Variants in ADCY3 observed in about 807,000 individuals in gnomAD.
ADCY3 encodes the protein adenylate cyclase 3.
Under a neutral mutation model 119.4 loss-of-function variants are expected in ADCY3, and 70 were observed. The ratio of observed to expected loss-of-function variants is 0.59; its 90% CI spans 0.48 to 0.72. The LOEUF (loss-of-function observed/expected upper bound fraction) is 0.72, where lower values mean the gene tolerates loss of function less well. Among genes scored for constraint, ADCY3 ranks in the 30% least tolerant of loss-of-function variants. The probability of loss-of-function intolerance (pLI) is 0.00; values close to 1 mark genes in which losing one functional copy is unlikely to be tolerated. For synonymous variants in ADCY3, 672 were observed against 621.4 expected (o/e 1.08, Z -1.21); for missense variants, 1,238 against 1,541.6 (o/e 0.80, Z 3.30).
chr2:24,865,065 A>C lies in ADCY3; in HGVS notation c.825+7505T>G, dbSNP rs1674114706. Among the ~76,000 whole-genome samples the C allele has an allele frequency of 2.0e-5, 3 of 152,218 alleles. No individual in the cohort carries two copies. In the South Asian group the frequency reaches 6.2e-4, roughly 31 times the overall value. ...GGAAATAACCTAGAAATCTATGGAG[A>C]GCGCAACAAAATAAATTGTTACTTT... On this transcript the variant is annotated intron_variant, in intron 3 of 21. Coordinates refer to ENST00000679454, the MANE Select transcript of ADCY3 (RefSeq NM_004036.5).
At position 24,822,741 on chromosome 2, in the gene ADCY3, T is replaced by C. The variant is rs1667965744; in HGVS notation, c.2884-111A>G. 16 of 1,418,910 alleles carry C rather than the reference T, an allele frequency of 1.1e-5. No homozygotes were observed. In the South Asian group the frequency reaches 1.2e-4, roughly 11 times the overall value. The allele number at this position is 1,418,910 out of a possible 1,614,324, so 87.9% of individuals were successfully genotyped here. The stretch of plus-strand genomic sequence containing the variant: ...ACCCCACTAAACCCAAGAGACACTT[T>C]CCTATCAAAGTTGTTACTTAGTCTA... On this transcript the variant is annotated intron_variant, in intron 18 of 21. Coordinates refer to ENST00000679454, the MANE Select transcript of ADCY3 (RefSeq NM_004036.5).
chr2:24,903,774 C>T (rs1679171747), intron 2 of ADCY3, among the ~76,000 whole-genome samples: 2 of 152,104 alleles, frequency 1.3e-5, no homozygotes, highest in African/African-American at 4.8e-5. Flanking sequence ...GAACAGGGAG[C>T]GCCATGATCC....
rs113099977 is a variant in ADCY3 at position 24,916,675 on chromosome 2, C to T, written c.675+1638G>A. On this transcript the variant is annotated intron_variant, in intron 2 of 21. Transcript: ENST00000679454. ...CCAGCCTGGCAACAAAGCAAGACTC[C>T]GTCTCAAAAAAAAAAAGAACCTGGG... Among the ~76,000 whole-genome samples, 29 of 151,620 alleles carry T rather than the reference C, an allele frequency of 1.9e-4. 1 individual carries two copies. The highest frequency in any genetic ancestry group is 1.7e-3 in the East Asian group (9 of 5,154).
intron 2 of ADCY3, among the ~76,000 whole-genome samples, chr2:24,914,831 CCT>C (rs1477167748): frequency 6.6e-6 from 1 of 152,156 alleles, no homozygotes; most frequent in African/African-American, 2.4e-5. Context: ...CTCCTTATCC[CCT>C]GACCTTGCAG....
At chr2:24,850,291 T>C (rs575851406) in intron 3 of ADCY3, among the ~76,000 whole-genome samples, 1 of 152,296 alleles carries the variant, frequency 6.6e-6, no homozygotes, top group Non-Finnish European at 1.5e-5. Context: ...GAGTGCGTGA[T>C]GCTAGCTACG....
chr2:24,884,844 T>A (rs1572988249), intron 2 of ADCY3, among the ~76,000 whole-genome samples: 1 of 42,536 alleles, frequency 2.4e-5, no homozygotes, highest in African/African-American at 3.4e-4. Context: ...TTTTACCATC[T>A]TTTTTCCCTT....
intron 2 of ADCY3, among the ~76,000 whole-genome samples, chr2:24,874,464 C>A (rs1675405325): frequency 1.3e-5 from 2 of 152,216 alleles, no homozygotes; most frequent in Non-Finnish European, 2.9e-5. Context: ...CAGAAGGGAA[C>A]TGTGAGTGCA....
Position 24,824,547 on chromosome 2 carries a change from A to C in ADCY3, c.2578-11T>G. The C allele has an allele frequency of 6.2e-7, 1 of 1,613,648 alleles. No individual in the cohort carries two copies. Among genetic ancestry groups the C allele is most frequent in the Non-Finnish European group, 8.5e-7 (1 of 1,179,622 alleles). The stretch of plus-strand genomic sequence containing the variant: ...TGCCAGTTTTTCTACCTACAGACAC[A>C]GACAAGGCGAGGCATGTGCTCTAAG... On this transcript the variant is annotated splice_polypyrimidine_tract_variant and intron_variant, in intron 16 of 21. Transcript: ENST00000679454.
chr2:24,842,228 A>G lies in ADCY3; in HGVS notation c.956+26T>C, dbSNP rs200968647. On this transcript the variant is annotated intron_variant, in intron 4 of 21. Transcript: ENST00000679454. This position sits in a 1 kb window ranked among gnomAD's most constrained non-coding sequence, Gnocchi z 4.9. ...GCCCTCCACAGCCTGCTCTGCCATC[A>G]GAGCCCGCGCCCCGGGCCGGCGTAC... is the stretch of plus-strand genomic sequence containing the variant. The G allele has an allele frequency of 2.8e-4, 457 of 1,613,478 alleles. 3 individuals carry two copies. The African/African-American group carries it at 5.3e-3, about 19-fold the overall frequency.
chr2:24,835,969 C>G (rs1670275920), intron 9 of ADCY3, among the ~76,000 whole-genome samples: 1 of 151,552 alleles, frequency 6.6e-6, no homozygotes, highest in African/African-American at 2.4e-5. Context: ...GTCTTAAGCA[C>G]AGGCACAGGT....
At chr2:24,881,851 G>C (rs944857431) in intron 2 of ADCY3, among the ~76,000 whole-genome samples, 1 of 152,138 alleles carries the variant, frequency 6.6e-6, no homozygotes, top group Non-Finnish European at 1.5e-5. Context: ...CTAGGAGAGC[G>C]GGTGCTACTG....
Position 24,841,364 on chromosome 2 carries a change from T to C in ADCY3, c.1091A>G (p.Lys364Arg), listed in dbSNP as rs1227959406. Residue 364 changes from lysine to arginine, a missense_variant, in exon 6 of 22, where the codon AAG becomes AGG. By Grantham distance (26) the Lys-to-Arg change is conservative. Coordinates refer to ENST00000679454, the MANE Select transcript of ADCY3 (RefSeq NM_004036.5). The surrounding 1 kb of genome is among the most constrained non-coding windows in gnomAD (Gnocchi z 5.8). ...LAAKYHQLRI[K>R]ILGDCYYCIC... ...GCAGTAGTAGCAGTCGCCCAGGATC[T>C]TAATCCGCAGCTGGTGGTATTTCTG... 6.2e-7 allele frequency: 1 copy of C among 1,609,146 alleles called. No individual in the cohort carries two copies. Among genetic ancestry groups the C allele is most frequent in the East Asian group, 2.2e-5 (1 of 44,754 alleles).
intron 9 of ADCY3, 138 bp from the exon 10 acceptor site, chr2:24,835,074 T>C: frequency 8.4e-7 from 1 of 1,196,618 alleles, no homozygotes; most frequent in Non-Finnish European, 1.1e-6. Flanking sequence ...CTAAAATCCC[T>C]TTCCGGGAAG....
In ADCY3 at chr2:24,841,520, G is replaced by T. The variant is rs368924070; in HGVS notation, c.1068+36C>A. The T allele has an allele frequency of 6.9e-6, 11 of 1,601,246 alleles. No individual in the cohort carries two copies. The highest frequency in any genetic ancestry group is 9.4e-6 in the Non-Finnish European group (11 of 1,172,674). On this transcript the variant is annotated intron_variant, in intron 5 of 21. Coordinates refer to ENST00000679454, the MANE Select transcript of ADCY3 (RefSeq NM_004036.5). This position sits in a 1 kb window ranked among gnomAD's most constrained non-coding sequence, Gnocchi z 5.8. The stretch of plus-strand genomic sequence containing the variant: ...GGCCAGGCAGAGGCCATGAGGGCAG[G>T]CCCCGCTGGAGAGCCAGGCGGGGCC...
chr2:24,834,419 C>T lies in ADCY3; in HGVS notation c.1967+66G>A, dbSNP rs1670007076. The T allele has an allele frequency of 3.3e-6, 3 of 917,826 alleles. No homozygotes were observed. The highest frequency in any genetic ancestry group is 4.7e-5 in the Admixed American group (2 of 42,256). The allele number at this position is 917,826 out of a possible 1,614,324, so 56.9% of individuals were successfully genotyped here. On this transcript the variant is annotated intron_variant, in intron 11 of 21. Coordinates refer to ENST00000679454, the MANE Select transcript of ADCY3 (RefSeq NM_004036.5). This position sits in a 1 kb window ranked among gnomAD's most constrained non-coding sequence, Gnocchi z 4.2. Reference sequence around the variant, plus strand: ...GTCAGGCTCCCGCTGAGACACCTGCCCCCGCCCCCCGCCCGGCACCACCGC... The same window carrying T: ...GTCAGGCTCCCGCTGAGACACCTGCTCCCGCCCCCCGCCCGGCACCACCGC...
At position 24,872,982 on chromosome 2, in the gene ADCY3, C is replaced by T. The variant is rs894517871; in HGVS notation, c.676-263G>A. ...GGTTCCACGAGGGGCAGGGTGCAGG[C>T]GTTCAAGCCTGGCTGAGGGGCTGTG... On this transcript the variant is annotated intron_variant, in intron 2 of 21. Transcript: ENST00000679454. The surrounding 1 kb of genome is among the most constrained non-coding windows in gnomAD (Gnocchi z 4.4). Among the ~76,000 whole-genome samples, 2 of 152,216 alleles carry T rather than the reference C, an allele frequency of 1.3e-5. No homozygotes were observed. Among genetic ancestry groups the T allele is most frequent in the Non-Finnish European group, 2.9e-5 (2 of 68,026 alleles).
At chr2:24,838,940 A>G (rs774753913) in intron 7 of ADCY3, 42 of 1,405,822 alleles carry the variant, frequency 3.0e-5, no homozygotes, top group South Asian at 2.1e-4. Flanking sequence ...TGCGATAAGG[A>G]ATTTTTTTTT....
chr2:24,875,998 G>C (rs960761653), intron 2 of ADCY3, among the ~76,000 whole-genome samples: 1 of 147,906 alleles, frequency 6.8e-6, no homozygotes. Context: ...GGAGGGGGGC[G>C]GTGGTGCAGA....
chr2:24,891,581 G>T (rs1677661138), intron 2 of ADCY3, among the ~76,000 whole-genome samples: 1 of 152,154 alleles, frequency 6.6e-6, no homozygotes, highest in Non-Finnish European at 1.5e-5. Flanking sequence ...TAAGTGAAAA[G>T]AAAAAATTTC....
Sources: gnomAD v4.1 joint callset for allele counts (sites outside exome capture counted in the v4.1 genomes callset) on GRCh38, gnomAD v4.1.1 for gene constraint, Gnocchi (gnomAD v3.1) non-coding constraint, MANE v1.5 for transcripts, NCBI Gene and HGNC (gene_info 2026-07-23, HGNC 2026-07-21) for gene names.